CLSTN2: variants seen among roughly 807,000 people sequenced by gnomAD.
The protein encoded by CLSTN2 is calsyntenin-2.
CLSTN2 carries 48 observed loss-of-function variants against 101.2 expected under a neutral mutation model. That is an observed-to-expected ratio of 0.47 (90% CI 0.38 to 0.60). The LOEUF (loss-of-function observed/expected upper bound fraction) is 0.60. Ranked by LOEUF, CLSTN2 falls within the 20% of genes least tolerant of loss-of-function variation. The pLI, the probability that CLSTN2 is intolerant of heterozygous loss-of-function variation, is 0.00. For missense variants in CLSTN2, 1,160 were observed against 1,238.2 expected (o/e 0.94, Z 0.95); for synonymous variants, 481 against 463.6 (o/e 1.04, Z -0.48).
At chr3:140,295,395 T>C (rs1190451489) in intron 2 of CLSTN2, among the ~76,000 whole-genome samples, 3 of 152,194 alleles carry the variant, frequency 2.0e-5, no homozygotes, top group Non-Finnish European at 4.4e-5. Flanking sequence ...TTCAATCTGT[T>C]TGTCATAGTT....
intron 1 of CLSTN2, among the ~76,000 whole-genome samples, chr3:140,009,525 A>G (rs1039326808): frequency 4.6e-5 from 7 of 152,194 alleles, no homozygotes; most frequent in Non-Finnish European, 4.4e-5. Context: ...TTTGTACTCA[A>G]TACATGGAAT....
chr3:140,345,575 T>C (rs1422233001), intron 2 of CLSTN2, among the ~76,000 whole-genome samples: 1 of 151,442 alleles, frequency 6.6e-6, no homozygotes, highest in Non-Finnish European at 1.5e-5. Context: ...TTATGCAGGA[T>C]TTATCATTGG....
At chr3:140,533,574 G>T (rs929159658) in intron 9 of CLSTN2, among the ~76,000 whole-genome samples, 15 of 152,080 alleles carry the variant, frequency 9.9e-5, no homozygotes, top group African/African-American at 3.6e-4. Flanking sequence ...AGCCGGGCAT[G>T]GTGGCGGGTG....
intron 2 of CLSTN2, among the ~76,000 whole-genome samples, chr3:140,298,067 A>C (rs113165362): frequency 0.011 from 1,650 of 152,350 alleles, 14 homozygotes; most frequent in Non-Finnish European, 0.017. Context: ...ACAATTTACT[A>C]AGCTTCTGCT....
chr3:140,432,459 G>A (rs1423219141), intron 5 of CLSTN2, among the ~76,000 whole-genome samples: 2 of 152,244 alleles, frequency 1.3e-5, no homozygotes, highest in South Asian at 2.1e-4. Context: ...CTGCAGCAGC[G>A]TGACCCCAGG....
At chr3:140,426,446 AG>A in intron 5 of CLSTN2, among the ~76,000 whole-genome samples, 1 of 152,356 alleles carries the variant, frequency 6.6e-6, no homozygotes, top group African/African-American at 2.4e-5. Context: ...GTCCCTGCAA[AG>A]GACATGATCT....
At chr3:140,114,141 C>T (rs1201560237) in intron 1 of CLSTN2, among the ~76,000 whole-genome samples, 1 of 152,148 alleles carries the variant, frequency 6.6e-6, no homozygotes, top group African/African-American at 2.4e-5. Flanking sequence ...CATCTCCAGC[C>T]AGAGCTCATG....
At chr3:139,986,539 A>G (rs1313276568) in intron 1 of CLSTN2, among the ~76,000 whole-genome samples, 2 of 152,270 alleles carry the variant, frequency 1.3e-5, no homozygotes, top group African/African-American at 4.8e-5. Flanking sequence ...CTTGTGGAGA[A>G]CATTAAGCTT....
At chr3:140,412,973 G>A (rs1309529828) in intron 4 of CLSTN2, among the ~76,000 whole-genome samples, 1 of 152,034 alleles carries the variant, frequency 6.6e-6, no homozygotes, top group African/African-American at 2.4e-5. Flanking sequence ...AAAACCTAAT[G>A]TTATACGTCA....
intron 8 of CLSTN2, among the ~76,000 whole-genome samples, chr3:140,473,679 T>G (rs761477202): frequency 6.6e-6 from 1 of 152,024 alleles, no homozygotes; most frequent in Non-Finnish European, 1.5e-5. Flanking sequence ...TTTAGTCCAG[T>G]GACATTCATT....
Position 140,572,633 on chromosome 3 carries a change from T to A in CLSTN2, c.*6380T>A, listed in dbSNP as rs1985592732. The A allele has an allele frequency of 6.6e-6, 1 of 152,226 alleles. No individual in the cohort carries two copies. Among genetic ancestry groups the A allele is most frequent in the African/African-American group, 2.4e-5 (1 of 41,442 alleles). 9.4% of individuals were successfully genotyped at this position (152,226 alleles called of 1,614,324 possible). ...GCAGTGGTTCCCTGGGCCAGCTGCA[T>A]CACCTGGGAACATGTGAGAAGTGCA... On this transcript the variant is annotated 3_prime_UTR_variant, in exon 17 of 17. Transcript: ENST00000458420.
At chr3:139,973,928 C>T (rs1340134411) in intron 1 of CLSTN2, among the ~76,000 whole-genome samples, 1 of 152,184 alleles carries the variant, frequency 6.6e-6, no homozygotes, top group African/African-American at 2.4e-5. Context: ...TGAGCCACCA[C>T]TCCTGGCCAG....
intron 1 of CLSTN2, among the ~76,000 whole-genome samples, chr3:140,130,006 C>T (rs555566771): frequency 6.6e-6 from 1 of 152,344 alleles, no homozygotes; most frequent in African/African-American, 2.4e-5. Context: ...CTGTCTGCAG[C>T]ATACTGAACA....
intron 2 of CLSTN2, among the ~76,000 whole-genome samples, chr3:140,308,486 G>A (rs1054581541): frequency 3.3e-5 from 5 of 152,178 alleles, no homozygotes; most frequent in African/African-American, 1.2e-4. Flanking sequence ...ATAAATGTGT[G>A]GTGTTTATGG....
At chr3:140,202,927 A>C (rs1227782843) in intron 2 of CLSTN2, among the ~76,000 whole-genome samples, 1 of 152,100 alleles carries the variant, frequency 6.6e-6, no homozygotes, top group South Asian at 2.1e-4. Context: ...TGGACGGTGC[A>C]ATGTGGGTGG....
intron 2 of CLSTN2, among the ~76,000 whole-genome samples, chr3:140,345,600 A>ATTTTTT (rs35828839): frequency 8.3e-6 from 1 of 121,144 alleles, no homozygotes; most frequent in Non-Finnish European, 1.7e-5. Context: ...TATGTGTGGA[A>ATTTTTT]TTTTTTTTTT....
chr3:140,170,562 G>A (rs1191457615), intron 1 of CLSTN2, among the ~76,000 whole-genome samples: 2 of 152,162 alleles, frequency 1.3e-5, no homozygotes, highest in Non-Finnish European at 2.9e-5. Flanking sequence ...TAAATGTATG[G>A]ATGTCAAATA....
chr3:140,464,506 A>G (rs948897173), intron 7 of CLSTN2, among the ~76,000 whole-genome samples: 7 of 152,214 alleles, frequency 4.6e-5, no homozygotes, highest in African/African-American at 1.7e-4. Context: ...CACATCACCA[A>G]CACAGTGAAT....
chr3:140,310,883 G>A (rs574176644), intron 2 of CLSTN2, among the ~76,000 whole-genome samples: 1 of 152,268 alleles, frequency 6.6e-6, no homozygotes, highest in Admixed American at 6.5e-5. Context: ...AATATTAATT[G>A]TGTACCTAGT....
Sources: gnomAD v4.1 joint callset for allele counts (sites outside exome capture counted in the v4.1 genomes callset) on GRCh38, gnomAD v4.1.1 for gene constraint, MANE v1.5 for transcripts, NCBI Gene and HGNC (gene_info 2026-07-23, HGNC 2026-07-21) for gene names.